AUTS2: variants seen among roughly 807,000 people sequenced by gnomAD.
AUTS2 encodes autism susceptibility gene 2 protein.
AUTS2 carries 17 observed loss-of-function variants against 112.4 expected under a neutral mutation model. That is an observed-to-expected ratio of 0.15 (90% CI 0.10 to 0.23). The LOEUF is 0.23. AUTS2 is among the 10% of genes least tolerant of loss of function. The probability of loss-of-function intolerance (pLI) is 1.00; values close to 1 mark genes in which losing one functional copy is unlikely to be tolerated. For synonymous variants in AUTS2, 751 were observed against 702.7 expected (o/e 1.07, Z -1.09); for missense variants, 1,510 against 1,701.6 (o/e 0.89, Z 1.98).
chr7:70,579,257 A>AAAAAAAAAAAAAAAAAT (rs1802323451), intron 5 of AUTS2, among the ~76,000 whole-genome samples: 1 of 149,310 alleles, frequency 6.7e-6, no homozygotes, highest in African/African-American at 2.5e-5. Context: ...AAAAAAAAAA[A>AAAAAAAAAAAAAAAAAT]AAAAAGATGA....
At chr7:69,841,827 G>A (rs1201344076) in intron 1 of AUTS2, among the ~76,000 whole-genome samples, 4 of 152,166 alleles carry the variant, frequency 2.6e-5, no homozygotes. Flanking sequence ...GATAACATTA[G>A]GAACTTAATG....
At chr7:70,400,029 A>C (rs1216936809) in intron 4 of AUTS2, among the ~76,000 whole-genome samples, 1 of 152,222 alleles carries the variant, frequency 6.6e-6, no homozygotes, top group Non-Finnish European at 1.5e-5. Flanking sequence ...CAGTGGGCAA[A>C]GGTCCAGAGG....
intron 5 of AUTS2, among the ~76,000 whole-genome samples, chr7:70,584,395 T>C (rs979147525): frequency 3.3e-5 from 5 of 152,254 alleles, no homozygotes; most frequent in Non-Finnish European, 7.3e-5. Context: ...TCCGGATCGC[T>C]CTGTCATTAG....
At chr7:70,748,901 A>C (rs1788629068) in intron 6 of AUTS2, among the ~76,000 whole-genome samples, 1 of 152,132 alleles carries the variant, frequency 6.6e-6, no homozygotes. Context: ...TGCCATTTCC[A>C]ATCAATCTGC....
At chr7:70,123,246 C>T (rs1269779717) in intron 3 of AUTS2, among the ~76,000 whole-genome samples, 1 of 152,076 alleles carries the variant, frequency 6.6e-6, no homozygotes, top group Non-Finnish European at 1.5e-5. Flanking sequence ...CCTACCTGCA[C>T]AATATTTTAG....
At chr7:69,732,747 T>G (rs1786853829) in intron 1 of AUTS2, among the ~76,000 whole-genome samples, 1 of 152,106 alleles carries the variant, frequency 6.6e-6, no homozygotes, top group South Asian at 2.1e-4. Flanking sequence ...TTTTAGAAAA[T>G]GGTACCTTTG....
chr7:70,239,013 G>A (rs1162670592), intron 4 of AUTS2, among the ~76,000 whole-genome samples: 1 of 152,256 alleles, frequency 6.6e-6, no homozygotes, highest in Admixed American at 6.5e-5. Context: ...GGCAGTTACC[G>A]ATGTAATAGA....
At chr7:69,813,746 A>G (rs1790643900) in intron 1 of AUTS2, among the ~76,000 whole-genome samples, 1 of 152,222 alleles carries the variant, frequency 6.6e-6, no homozygotes, top group African/African-American at 2.4e-5. Flanking sequence ...ATTCTCAAGT[A>G]CCAGCAAGTA....
intron 6 of AUTS2, among the ~76,000 whole-genome samples, chr7:70,757,802 G>A (rs891369467): frequency 8.9e-5 from 11 of 123,424 alleles, no homozygotes; most frequent in Non-Finnish European, 1.6e-4. Flanking sequence ...ATTCTTCCAT[G>A]GCTTCTTTTT....
At chr7:70,418,075 C>CTGTGTGTGTGTGTGTGTGTGTGTGTG (rs34869843) in intron 4 of AUTS2, among the ~76,000 whole-genome samples, 5 of 136,464 alleles carry the variant, frequency 3.7e-5, no homozygotes, top group South Asian at 2.4e-4. Flanking sequence ...GGCTAACTTT[C>CTGTGTGTGTGTGTGTGTGTGTGTGTG]TGTGTGTGTG....
chr7:70,692,633 G>T lies in AUTS2; in HGVS notation c.691-5936G>T, dbSNP rs181797980. Among the ~76,000 whole-genome samples, 10 of 152,254 alleles carry T rather than the reference G, an allele frequency of 6.6e-5. No individual in the cohort carries two copies. The East Asian group carries it at 1.9e-3, about 29-fold the overall frequency. On this transcript the variant is annotated intron_variant, in intron 5 of 18. Transcript: ENST00000342771. Reference sequence around the variant, plus strand: ...TCACTGTTACCTATATTTTTAAAAAGACTTGTATAACACCACATTGTGCTA... The same window carrying T: ...TCACTGTTACCTATATTTTTAAAAATACTTGTATAACACCACATTGTGCTA...
chr7:70,176,575 C>A (rs1184575183), intron 4 of AUTS2, among the ~76,000 whole-genome samples: 1 of 152,152 alleles, frequency 6.6e-6, no homozygotes, highest in Non-Finnish European at 1.5e-5. Context: ...TTACATATGC[C>A]ATTTGATAAT....
chr7:69,975,875 A>G lies in AUTS2; in HGVS notation c.522+76377A>G, dbSNP rs538110031. ...GCTAATTTTTGTATTTTTAGTAGAG[A>G]CAGGGTTTCACCATGTTGGCCAGGC... On this transcript the variant is annotated intron_variant, in intron 2 of 18. Coordinates refer to ENST00000342771, the MANE Select transcript of AUTS2 (RefSeq NM_015570.4). 7.9e-5 allele frequency among the ~76,000 whole-genome samples: 12 copies of G among 151,708 alleles called. No individual in the cohort carries two copies. The South Asian group carries it at 1.9e-3, about 24-fold the overall frequency.
At chr7:70,450,789 T>A (rs1312320550) in intron 5 of AUTS2, among the ~76,000 whole-genome samples, 2 of 152,102 alleles carry the variant, frequency 1.3e-5, no homozygotes, top group East Asian at 3.9e-4. Flanking sequence ...TCAACCAAAC[T>A]AATGTGGAAA....
chr7:70,030,771 G>A (rs1044495952), intron 2 of AUTS2, among the ~76,000 whole-genome samples: 4 of 152,200 alleles, frequency 2.6e-5, no homozygotes, highest in African/African-American at 9.6e-5. Context: ...GAGCTTCTTG[G>A]TCTCACTTTA....
At chr7:70,564,720 A>C (rs965888305) in intron 5 of AUTS2, among the ~76,000 whole-genome samples, 3 of 152,196 alleles carry the variant, frequency 2.0e-5, no homozygotes, top group African/African-American at 4.8e-5. Context: ...TGAACATATT[A>C]TTGTGATCCA....
intron 5 of AUTS2, among the ~76,000 whole-genome samples, chr7:70,539,280 C>T (rs139406066): frequency 1.7e-3 from 265 of 152,270 alleles, no homozygotes; most frequent in African/African-American, 6.0e-3. Context: ...TTGTTGTTTG[C>T]CAGTTTGGGG....
chr7:70,366,009 C>T (rs1471094857), intron 4 of AUTS2, among the ~76,000 whole-genome samples: 1 of 152,214 alleles, frequency 6.6e-6, no homozygotes, highest in Non-Finnish European at 1.5e-5. Context: ...AGTCATCATG[C>T]TATATTGTAG....
chr7:70,458,460 A>C lies in AUTS2; in HGVS notation c.690+22679A>C, dbSNP rs142426289. On this transcript the variant is annotated intron_variant, in intron 5 of 18. Transcript: ENST00000342771. ...CATGACCCCAGCCTCTTGTTAGCTG[A>C]TAGATGAAATCTTTTCTAAAGCTGA... Among the ~76,000 whole-genome samples, 665 of 152,302 alleles carry C rather than the reference A, an allele frequency of 4.4e-3. 2 individuals carry two copies. Among genetic ancestry groups the C allele is most frequent in the South Asian group, 0.036 (172 of 4,830 alleles).
Sources: allele counts gnomAD v4.1 joint callset (sites outside exome capture counted in the v4.1 genomes callset), GRCh38; gene constraint gnomAD v4.1.1; transcripts MANE v1.5; gene names NCBI Gene and HGNC (gene_info 2026-07-23, HGNC 2026-07-21).